Variants in PCDHGB1 observed in about 807,000 individuals in gnomAD.
PCDHGB1 encodes protocadherin gamma subfamily B, 1, also known as protocadherin gamma-B1.
Under a neutral mutation model 56.6 loss-of-function variants are expected in PCDHGB1, and 34 were observed. The observed-to-expected ratio is 0.60, with a 90% confidence interval of 0.46 to 0.80. The LOEUF is 0.80. Ranked by LOEUF, PCDHGB1 falls within the 30% of genes least tolerant of loss-of-function variation. The probability of loss-of-function intolerance (pLI) is 0.00; values close to 1 mark genes in which losing one functional copy is unlikely to be tolerated. For missense variants in PCDHGB1, 1,278 were observed against 1,204.6 expected (o/e 1.06, Z -0.90); for synonymous variants, 561 against 505.9 (o/e 1.11, Z -1.46).
chr5:141,404,289 A>G (rs552765425), intron 1 of PCDHGB1: 15 of 1,614,006 alleles, frequency 9.3e-6, no homozygotes, highest in East Asian at 4.5e-5. Flanking sequence ...ACTGACATCA[A>G]TGATAATCCA....
rs1396744157 is a variant in PCDHGB1 at position 141,432,439 on chromosome 5, C to G, written c.2410-62368C>G. 22 of 1,614,108 alleles carry G rather than the reference C, an allele frequency of 1.4e-5. No individual in the cohort carries two copies. The highest frequency in any genetic ancestry group is 1.7e-5 in the Non-Finnish European group (20 of 1,180,052). On this transcript the variant is annotated intron_variant, in intron 1 of 3. Coordinates refer to ENST00000523390, the MANE Select transcript of PCDHGB1 (RefSeq NM_018922.3). This position sits in a 1 kb window ranked among gnomAD's most constrained non-coding sequence, Gnocchi z 6.0. ...TGCTGGACCAGAACGACAATGCGCCCGAGATCCTGTACCCCGCCCTCCCCA... is the reference window on the plus strand; with the variant it reads ...TGCTGGACCAGAACGACAATGCGCCGGAGATCCTGTACCCCGCCCTCCCCA...
chr5:141,460,296 C>T (rs1443273958), intron 1 of PCDHGB1, among the ~76,000 whole-genome samples: 1 of 151,924 alleles, frequency 6.6e-6, no homozygotes, highest in Non-Finnish European at 1.5e-5. Context: ...TTCTTATGTC[C>T]TATTCAAAAA....
intron 1 of PCDHGB1, among the ~76,000 whole-genome samples, chr5:141,456,902 G>A (rs886945444): frequency 6.6e-6 from 1 of 152,294 alleles, no homozygotes; most frequent in South Asian, 2.1e-4. Flanking sequence ...GGCAGAGGTT[G>A]CAGTGAGCCG....
intron 1 of PCDHGB1, among the ~76,000 whole-genome samples, chr5:141,387,508 G>T (rs537615944): frequency 6.7e-4 from 102 of 152,312 alleles, no homozygotes; most frequent in African/African-American, 2.3e-3. Context: ...ATTTTTAGAC[G>T]TCATTAAATA....
intron 1 of PCDHGB1, chr5:141,374,208 G>A (rs777295061): frequency 1.2e-6 from 2 of 1,613,952 alleles, no homozygotes; most frequent in East Asian, 2.2e-5. Context: ...CTGGAGAAAG[G>A]CTCCTTCGTA....
chr5:141,360,481 A>G, intron 1 of PCDHGB1: 1 of 1,613,874 alleles, frequency 6.2e-7, no homozygotes. Flanking sequence ...TCCACTAAAT[A>G]TTTTCTACAT....
intron 2 of PCDHGB1, among the ~76,000 whole-genome samples, chr5:141,497,393 CT>C (rs1035907100): frequency 2.1e-4 from 32 of 152,254 alleles, no homozygotes; most frequent in African/African-American, 7.5e-4. Context: ...CACCTTACCC[CT>C]GCCTCAACTC....
chr5:141,388,373 T>TA (rs1239214460), intron 1 of PCDHGB1: 2 of 1,613,980 alleles, frequency 1.2e-6, no homozygotes, highest in African/African-American at 2.7e-5. Context: ...CGGATATTGG[T>TA]AGCAACACAC....
chr5:141,478,142 G>T (rs774271595), intron 1 of PCDHGB1: 8 of 1,613,988 alleles, frequency 5.0e-6, no homozygotes, highest in Non-Finnish European at 6.8e-6. Flanking sequence ...AGCCCGAGCC[G>T]AGTTCCCCTC....
intron 2 of PCDHGB1, among the ~76,000 whole-genome samples, chr5:141,501,288 T>TAC (rs1562199973): frequency 3.7e-5 from 3 of 81,228 alleles, no homozygotes; most frequent in South Asian, 4.2e-4. Context: ...GATATTCCCT[T>TAC]ATACACACAC....
intron 1 of PCDHGB1, chr5:141,421,360 T>G (rs549572548): frequency 6.2e-7 from 1 of 1,613,980 alleles, no homozygotes; most frequent in African/African-American, 1.3e-5. Context: ...AAAGGGCTCC[T>G]TCGTGGGCAA....
chr5:141,437,622 A>G (rs1007643306), intron 1 of PCDHGB1, among the ~76,000 whole-genome samples: 2 of 152,192 alleles, frequency 1.3e-5, no homozygotes, highest in Non-Finnish European at 2.9e-5. Flanking sequence ...TTATCCCCAT[A>G]TAAGATGTCA....
intron 1 of PCDHGB1, chr5:141,366,136 C>T: frequency 6.2e-7 from 1 of 1,614,204 alleles, no homozygotes; most frequent in South Asian, 1.1e-5. Flanking sequence ...GCCAGAACGC[C>T]TGGCTGTCCT....
intron 1 of PCDHGB1, chr5:141,404,569 C>T (rs887708182): frequency 6.2e-7 from 1 of 1,613,608 alleles, no homozygotes; most frequent in African/African-American, 1.3e-5. Context: ...ACAGTGGAAG[C>T]CCACCACTTA....
chr5:141,431,553 A>T lies in PCDHGB1; in HGVS notation c.2410-63254A>T, dbSNP rs762863300. On this transcript the variant is annotated intron_variant, in intron 1 of 3. Coordinates refer to ENST00000523390, the MANE Select transcript of PCDHGB1 (RefSeq NM_018922.3). The surrounding 1 kb of genome is among the most constrained non-coding windows in gnomAD (Gnocchi z 4.8). Reference sequence around the variant, plus strand: ...TTGGGCACGCAGCTGCTTGTAGTCAACGCTACCGACCCTGACGAAGGAGTC... The same window carrying T: ...TTGGGCACGCAGCTGCTTGTAGTCATCGCTACCGACCCTGACGAAGGAGTC... The T allele has an allele frequency of 1.1e-5, 18 of 1,613,994 alleles. 1 individual carries two copies. Among genetic ancestry groups the T allele is most frequent in the Non-Finnish European group, 3.4e-6 (4 of 1,180,028 alleles).
intron 1 of PCDHGB1, chr5:141,479,198 GA>G (rs1288699377): frequency 6.6e-6 from 1 of 152,304 alleles, no homozygotes; most frequent in African/African-American, 2.4e-5. Context: ...AGAAAATACA[GA>G]AAAGTATTTA....
At chr5:141,494,763 C>T in intron 1 of PCDHGB1, 44 bp from the exon 2 acceptor site, 4 of 1,613,926 alleles carry the variant, frequency 2.5e-6, no homozygotes, top group Admixed American at 1.7e-5. Context: ...GACATTCTAA[C>T]TTCTCACGGG....
intron 1 of PCDHGB1, chr5:141,383,840 T>G: frequency 1.2e-6 from 2 of 1,613,952 alleles, no homozygotes; most frequent in South Asian, 2.2e-5. Flanking sequence ...GAAACTGCCT[T>G]CTATGAAATG....
chr5:141,371,924 G>C (rs762943415), intron 1 of PCDHGB1: 1 of 1,613,364 alleles, frequency 6.2e-7, no homozygotes, highest in Admixed American at 1.7e-5. Flanking sequence ...TGAGCGCGCG[G>C]AGCGGGGTGG....
Sources: allele counts gnomAD v4.1 joint callset (sites outside exome capture counted in the v4.1 genomes callset), GRCh38; gene constraint gnomAD v4.1.1; non-coding constraint Gnocchi (gnomAD v3.1); transcripts MANE v1.5; gene names NCBI Gene and HGNC (gene_info 2026-07-23, HGNC 2026-07-21).